Variants in CTNNA3 observed in about 807,000 individuals in gnomAD.
CTNNA3 encodes catenin alpha-3.
Under a neutral mutation model 95.7 loss-of-function variants are expected in CTNNA3, and 76 were observed. That is an observed-to-expected ratio of 0.79 (90% confidence interval 0.66 to 0.96). The LOEUF (loss-of-function observed/expected upper bound fraction) is 0.96, where lower values mean the gene tolerates loss of function less well. Among genes scored for constraint, CTNNA3 ranks in the 40% least tolerant of loss-of-function variants. The pLI is 0.00. For missense variants in CTNNA3, 1,191 were observed against 1,089.8 expected (o/e 1.09, Z -1.31); for synonymous variants, 431 against 374.4 (o/e 1.15, Z -1.74).
intron 7 of CTNNA3, chr10:66,928,257 G>A (rs1847186262): frequency 6.2e-7 from 1 of 1,614,070 alleles, no homozygotes; most frequent in Non-Finnish European, 8.5e-7. Flanking sequence ...GGTACCCTGC[G>A]AGCATGAAGC....
At chr10:67,498,881 C>T (rs1214631082) in intron 5 of CTNNA3, among the ~76,000 whole-genome samples, 1 of 152,206 alleles carries the variant, frequency 6.6e-6, no homozygotes, top group African/African-American at 2.4e-5. Context: ...CATCTGCAAA[C>T]AGAGACAATT....
At chr10:66,315,565 C>T (rs1053299989) in intron 12 of CTNNA3, among the ~76,000 whole-genome samples, 4 of 151,600 alleles carry the variant, frequency 2.6e-5, no homozygotes, top group African/African-American at 9.7e-5. Flanking sequence ...CTGATCGTAA[C>T]TTGGTTTTGT....
At chr10:66,376,060 T>C (rs981143517) in intron 12 of CTNNA3, among the ~76,000 whole-genome samples, 2 of 152,108 alleles carry the variant, frequency 1.3e-5, no homozygotes, top group Admixed American at 6.6e-5. Flanking sequence ...AGGTGGGGGT[T>C]GGAGGTTTGC....
At chr10:66,446,971 G>A (rs1478427625) in intron 11 of CTNNA3, among the ~76,000 whole-genome samples, 4 of 151,756 alleles carry the variant, frequency 2.6e-5, no homozygotes, top group African/African-American at 9.7e-5. Context: ...AGCAACTTCA[G>A]CAAAGTCTCA....
At chr10:66,152,491 C>T (rs1186075735) in intron 13 of CTNNA3, among the ~76,000 whole-genome samples, 1 of 151,768 alleles carries the variant, frequency 6.6e-6, no homozygotes, top group African/African-American at 2.4e-5. Context: ...CTCATGTATA[C>T]TTTCACAATA....
At chr10:66,709,911 A>G (rs1379893093) in intron 9 of CTNNA3, among the ~76,000 whole-genome samples, 8 of 152,204 alleles carry the variant, frequency 5.3e-5, no homozygotes, top group Non-Finnish European at 1.0e-4. Flanking sequence ...GAAATATACA[A>G]TTATGATATT....
At chr10:65,952,036 A>G (rs2077627089) in intron 17 of CTNNA3, among the ~76,000 whole-genome samples, 1 of 151,874 alleles carries the variant, frequency 6.6e-6, no homozygotes, top group South Asian at 2.1e-4. Context: ...CCTCAAAAAA[A>G]AAAAAAAAAA....
intron 9 of CTNNA3, among the ~76,000 whole-genome samples, chr10:66,633,531 T>A (rs1200229567): frequency 6.6e-6 from 1 of 151,872 alleles, no homozygotes; most frequent in East Asian, 1.9e-4. Flanking sequence ...ATACAAAAAA[T>A]TAGCCGGGTG....
chr10:66,673,939 T>C (rs1480610672), intron 9 of CTNNA3, among the ~76,000 whole-genome samples: 1 of 152,036 alleles, frequency 6.6e-6, no homozygotes, highest in Non-Finnish European at 1.5e-5. Context: ...TTTCTTTTTA[T>C]TATTGAAATT....
chr10:67,256,333 G>C (rs1193692024), intron 5 of CTNNA3, among the ~76,000 whole-genome samples: 1 of 152,114 alleles, frequency 6.6e-6, no homozygotes, highest in East Asian at 1.9e-4. Context: ...CCAAGATTAT[G>C]CTTCAGTCTG....
intron 9 of CTNNA3, among the ~76,000 whole-genome samples, chr10:66,735,991 C>A (rs61866044): frequency 0.046 from 6,977 of 152,182 alleles, 254 homozygotes; most frequent in Non-Finnish European, 0.069. Flanking sequence ...TCCCATTTGG[C>A]GGCTGATCCT....
intron 13 of CTNNA3, among the ~76,000 whole-genome samples, chr10:66,220,025 A>C (rs1380962693): frequency 6.6e-6 from 1 of 152,108 alleles, no homozygotes; most frequent in Non-Finnish European, 1.5e-5. Flanking sequence ...CAGGAGGCTG[A>C]GGCAGGAGAA....
At chr10:66,668,738 G>A in intron 9 of CTNNA3, among the ~76,000 whole-genome samples, 1 of 151,986 alleles carries the variant, frequency 6.6e-6, no homozygotes, top group South Asian at 2.1e-4. Context: ...CTTAAACCTG[G>A]GCGGTGGAGG....
intron 5 of CTNNA3, among the ~76,000 whole-genome samples, chr10:67,489,805 T>TATATATATATACAC (rs927605119): frequency 1.4e-4 from 21 of 148,952 alleles, no homozygotes; most frequent in African/African-American, 5.0e-4. Flanking sequence ...TATATATATA[T>TATATATATATACAC]ACACACATTA....
At chr10:66,971,321 G>A (rs1050845741) in intron 7 of CTNNA3, among the ~76,000 whole-genome samples, 3 of 152,112 alleles carry the variant, frequency 2.0e-5, no homozygotes, top group South Asian at 2.1e-4. Context: ...AGCTACTCAG[G>A]AGGCTGAGGC....
intron 13 of CTNNA3, among the ~76,000 whole-genome samples, chr10:66,161,721 C>T (rs1435722845): frequency 6.6e-6 from 1 of 152,112 alleles, no homozygotes; most frequent in Non-Finnish European, 1.5e-5. Flanking sequence ...GTTCTTTGTG[C>T]TTCTTGTATT....
intron 11 of CTNNA3, among the ~76,000 whole-genome samples, chr10:66,463,519 T>C (rs990138437): frequency 1.3e-5 from 2 of 152,066 alleles, no homozygotes; most frequent in Admixed American, 1.3e-4. Flanking sequence ...TAAAACAAAA[T>C]TGAGAAACTT....
chr10:67,542,867 T>C (rs573985428), intron 3 of CTNNA3, among the ~76,000 whole-genome samples: 11 of 151,980 alleles, frequency 7.2e-5, no homozygotes, highest in Admixed American at 6.6e-4. Flanking sequence ...TTTTCCTAAT[T>C]AAATAGAAAA....
chr10:66,574,683 T>A (rs901394), intron 10 of CTNNA3, among the ~76,000 whole-genome samples: 1 of 152,098 alleles, frequency 6.6e-6, no homozygotes, highest in Non-Finnish European at 1.5e-5. Flanking sequence ...AGTATTAAAG[T>A]ACAAAACACT....
Sources: gnomAD v4.1 joint callset for allele counts (sites outside exome capture counted in the v4.1 genomes callset) on GRCh38, gnomAD v4.1.1 for gene constraint, MANE v1.5 for transcripts, NCBI Gene and HGNC (gene_info 2026-07-23, HGNC 2026-07-21) for gene names.